Variants in CA10 observed in about 807,000 individuals in gnomAD.
The protein encoded by CA10 is carbonic anhydrase 10 (inactive).
CA10 carries 14 observed loss-of-function variants against 44.2 expected under a neutral mutation model. The ratio of observed to expected loss-of-function variants is 0.32; its 90% CI spans 0.21 to 0.50. The LOEUF is 0.50. CA10 is among the 20% of genes least tolerant of loss of function. The pLI is 0.99. For missense variants in CA10, 350 were observed against 409.7 expected (o/e 0.85, Z 1.26); for synonymous variants, 159 against 141.6 (o/e 1.12, Z -0.87).
At chr17:51,973,435 A>T (rs4794314) in intron 2 of CA10, among the ~76,000 whole-genome samples, 1 of 152,008 alleles carries the variant, frequency 6.6e-6, no homozygotes, top group East Asian at 1.9e-4. Context: ...CGAGTCTCCT[A>T]GACTGTAGTG....
At chr17:51,807,033 C>T (rs569925548) in intron 3 of CA10, among the ~76,000 whole-genome samples, 2 of 152,146 alleles carry the variant, frequency 1.3e-5, no homozygotes, top group Non-Finnish European at 2.9e-5. Flanking sequence ...GATGAGAAAA[C>T]CAAGGCAGAT....
chr17:51,814,377 T>C (rs1907487350), intron 3 of CA10, among the ~76,000 whole-genome samples: 1 of 152,118 alleles, frequency 6.6e-6, no homozygotes, highest in Non-Finnish European at 1.5e-5. Flanking sequence ...GCCTAGAGGC[T>C]CCAGAGGCAT....
chr17:52,128,292 T>C (rs777575727), intron 1 of CA10, among the ~76,000 whole-genome samples: 3 of 152,198 alleles, frequency 2.0e-5, no homozygotes, highest in Admixed American at 6.5e-5. Flanking sequence ...AACTGAAAAA[T>C]GCATGGATGA....
In CA10 at chr17:51,953,087, T is replaced by A. The variant is rs114412021; in HGVS notation, c.137-21955A>T. Among the ~76,000 whole-genome samples the A allele has an allele frequency of 9.5e-3, 1,441 of 152,268 alleles. 19 individuals are homozygous for A. Among genetic ancestry groups the A allele is most frequent in the African/African-American group, 0.032 (1,348 of 41,566 alleles). The stretch of plus-strand genomic sequence containing the variant: ...TAGATTCAAAGTCTTATACAAACTT[T>A]CCTCGTTTAAATCACTGTGTGGTTT... On this transcript the variant is annotated intron_variant, in intron 2 of 8. Coordinates refer to ENST00000451037, the MANE Select transcript of CA10 (RefSeq NM_020178.5).
chr17:52,109,052 G>A (rs1377957823), intron 1 of CA10, among the ~76,000 whole-genome samples: 1 of 152,138 alleles, frequency 6.6e-6, no homozygotes, highest in Non-Finnish European at 1.5e-5. Flanking sequence ...TCATGGATTG[G>A]AGGACTCAAC....
At chr17:51,716,451 A>G (rs1438699818) in intron 4 of CA10, among the ~76,000 whole-genome samples, 2 of 152,086 alleles carry the variant, frequency 1.3e-5, no homozygotes, top group East Asian at 1.9e-4. Context: ...TTGGCCTCGA[A>G]AAATGATATT....
intron 3 of CA10, chr17:51,761,962 C>G (rs1905227381): frequency 6.6e-6 from 1 of 152,150 alleles, no homozygotes; most frequent in Admixed American, 6.5e-5. Flanking sequence ...TTTCTAGAAG[C>G]AAGCAACCAA....
At chr17:52,118,912 T>C (rs1450272601) in intron 1 of CA10, among the ~76,000 whole-genome samples, 1 of 152,210 alleles carries the variant, frequency 6.6e-6, no homozygotes, top group African/African-American at 2.4e-5. Flanking sequence ...TACTCTCAAA[T>C]GCAGATTTCT....
chr17:51,805,853 T>C (rs1907112105), intron 3 of CA10, among the ~76,000 whole-genome samples: 1 of 152,136 alleles, frequency 6.6e-6, no homozygotes. Flanking sequence ...GAGTTTTTGG[T>C]GTAGTCTGGA....
At chr17:51,732,562 T>C (rs1916757148) in intron 4 of CA10, among the ~76,000 whole-genome samples, 1 of 152,186 alleles carries the variant, frequency 6.6e-6, no homozygotes, top group Non-Finnish European at 1.5e-5. Flanking sequence ...AGACATCTTT[T>C]AGGGTGTCTG....
chr17:51,677,080 C>T (rs1264991157), intron 4 of CA10, among the ~76,000 whole-genome samples: 1 of 152,140 alleles, frequency 6.6e-6, no homozygotes, highest in Non-Finnish European at 1.5e-5. Context: ...TGTTGTCAAA[C>T]AGACCAGGGT....
rs930583061 is a variant in CA10, at chr17:51,874,892, T to G, written c.279+56098A>C. On this transcript the variant is annotated intron_variant, in intron 3 of 8. Transcript: ENST00000451037. ...GTTGACATGTCTCCACGCTTACCCT[T>G]GGGCATCCTGTATAGGGTAGGGTGA... Among the ~76,000 whole-genome samples, 4 of 152,180 alleles carry G rather than the reference T, an allele frequency of 2.6e-5. No individual in the cohort carries two copies. In the South Asian group the frequency reaches 6.2e-4, roughly 24 times the overall value.
intron 2 of CA10, among the ~76,000 whole-genome samples, chr17:51,984,357 C>T (rs1001185628): frequency 4.0e-5 from 6 of 151,706 alleles, no homozygotes; most frequent in Non-Finnish European, 8.8e-5. Flanking sequence ...ACAGCAAAGG[C>T]GGTACTAAGA....
At chr17:52,115,071 G>A (rs2143296346) in intron 1 of CA10, among the ~76,000 whole-genome samples, 1 of 152,318 alleles carries the variant, frequency 6.6e-6, no homozygotes, top group African/African-American at 2.4e-5. Flanking sequence ...TCCTGGGCAT[G>A]CCCACATGCA....
At chr17:52,014,136 T>C (rs1985894913) in intron 2 of CA10, among the ~76,000 whole-genome samples, 1 of 149,488 alleles carries the variant, frequency 6.7e-6, no homozygotes, top group Non-Finnish European at 1.5e-5. Flanking sequence ...AATAACCTTA[T>C]AATGAAAAAT....
intron 1 of CA10, among the ~76,000 whole-genome samples, chr17:52,123,986 C>T (rs1180317251): frequency 1.3e-5 from 2 of 152,172 alleles, no homozygotes; most frequent in African/African-American, 4.8e-5. Flanking sequence ...TTCATTCACA[C>T]CTGTTGGCTA....
At chr17:52,068,915 A>T (rs914223255) in intron 2 of CA10, among the ~76,000 whole-genome samples, 1 of 152,140 alleles carries the variant, frequency 6.6e-6, no homozygotes, top group African/African-American at 2.4e-5. Context: ...ACAGTGAGAG[A>T]TTTATTTAAG....
chr17:52,083,085 G>T (rs1485110096), intron 1 of CA10, among the ~76,000 whole-genome samples: 2 of 152,154 alleles, frequency 1.3e-5, no homozygotes, highest in Non-Finnish European at 2.9e-5. Context: ...AATGCTAGGA[G>T]CATACTAATA....
intron 3 of CA10, among the ~76,000 whole-genome samples, chr17:51,769,301 G>T (rs1245371080): frequency 6.6e-6 from 1 of 152,122 alleles, no homozygotes; most frequent in Non-Finnish European, 1.5e-5. Context: ...CAATCACAAG[G>T]TGCCAGGCAG....
Sources: gnomAD v4.1 joint callset for allele counts (sites outside exome capture counted in the v4.1 genomes callset) on GRCh38, gnomAD v4.1.1 for gene constraint, MANE v1.5 for transcripts, NCBI Gene and HGNC (gene_info 2026-07-23, HGNC 2026-07-21) for gene names.